PEAK1: variants seen among roughly 807,000 people sequenced by gnomAD.
PEAK1 encodes the protein inactive tyrosine-protein kinase PEAK1.
Under a neutral mutation model 124.7 loss-of-function variants are expected in PEAK1, and 54 were observed. The ratio of observed to expected loss-of-function variants is 0.43; its 90% CI spans 0.35 to 0.54. The LOEUF is 0.54. PEAK1 is among the 20% of genes least tolerant of loss of function. The pLI is 0.01. For synonymous variants in PEAK1, 719 were observed against 760.0 expected, an observed-to-expected ratio of 0.95 and a Z score of 0.89; for missense variants, 2,046 against 2,134.5, an observed-to-expected ratio of 0.96 and a Z score of 0.82.
chr15:77,372,674 A>G (rs1296644913), intron 1 of PEAK1, among the ~76,000 whole-genome samples: 1 of 152,198 alleles, frequency 6.6e-6, no homozygotes, highest in Non-Finnish European at 1.5e-5. Flanking sequence ...CTCAACTGAT[A>G]TGGTTCGGAT....
intron 2 of PEAK1, among the ~76,000 whole-genome samples, chr15:77,362,767 G>A (rs1597443566): frequency 6.6e-6 from 1 of 151,952 alleles, no homozygotes; most frequent in East Asian, 1.9e-4. Flanking sequence ...CAACCCAAAT[G>A]TCCAACAACT....
intron 7 of PEAK1, among the ~76,000 whole-genome samples, chr15:77,168,276 C>T (rs1472372610): frequency 7.0e-6 from 1 of 142,252 alleles, no homozygotes. Flanking sequence ...TATTAATAGG[C>T]CTATATTGGT....
chr15:77,177,734 A>G lies in PEAK1; in HGVS notation c.3137+1056T>C, dbSNP rs146611096. The G allele has an allele frequency of 1.4e-4, 21 of 152,284 alleles. No homozygotes were observed. In the East Asian group the frequency reaches 3.5e-3, roughly 25 times the overall value. 9.4% of individuals were successfully genotyped at this position (152,284 alleles called of 1,614,324 possible). A position where few individuals can be genotyped will look rare whatever the true frequency, so the allele number is the denominator to read the frequency against. On this transcript the variant is annotated intron_variant, in intron 7 of 9. Coordinates refer to ENST00000682557, the MANE Select transcript of PEAK1 (RefSeq NM_001385026.1). ...ACAGGAAGCATAGGGAAATCATCCT[A>G]TTAGTCACAAACTTGGGATAAAAGT... is the stretch of plus-strand genomic sequence containing the variant.
chr15:77,304,053 A>G (rs2063932272), intron 2 of PEAK1, among the ~76,000 whole-genome samples: 1 of 152,194 alleles, frequency 6.6e-6, no homozygotes, highest in African/African-American at 2.4e-5. Context: ...CTATGTGTCT[A>G]TTCTTTCACC....
chr15:77,180,530 T>C lies in PEAK1; in HGVS notation c.1397A>G (p.Asn466Ser). 1 of 1,614,118 alleles carries C rather than the reference T, an allele frequency of 6.2e-7. No individual in the cohort carries two copies. The highest frequency in any genetic ancestry group is 8.5e-7 in the Non-Finnish European group (1 of 1,179,996). The change falls in exon 7 of 10, where the codon AAC becomes AGC. Residue 466 changes from asparagine (N) to serine (S), a missense_variant. Transcript: ENST00000682557. ...TGGCTTGCACAATGGCTGTTCCAGG[T>C]TCACAACTCGGTAAGGTTTTGCTTG... The part of the protein sequence containing the change: ...EEQAKPYRVV[N>S]LEQPLCKPYT...
At chr15:77,309,811 T>C (rs747896380) in intron 2 of PEAK1, among the ~76,000 whole-genome samples, 5 of 152,202 alleles carry the variant, frequency 3.3e-5, no homozygotes, top group Non-Finnish European at 5.9e-5. Context: ...TTATTATTTA[T>C]ACTAATAGAA....
intron 5 of PEAK1, among the ~76,000 whole-genome samples, chr15:77,260,170 C>A (rs1015559028): frequency 3.9e-5 from 6 of 152,030 alleles, no homozygotes; most frequent in African/African-American, 1.4e-4. Flanking sequence ...CCAGAAGGGA[C>A]AAATCACTGA....
At chr15:77,336,791 G>A (rs1431763801) in intron 2 of PEAK1, among the ~76,000 whole-genome samples, 1 of 151,868 alleles carries the variant, frequency 6.6e-6, no homozygotes, top group African/African-American at 2.4e-5. Flanking sequence ...AGTATACATG[G>A]ATAAGAGTGT....
chr15:77,409,684 C>T (rs1464216314), intron 1 of PEAK1, among the ~76,000 whole-genome samples: 1 of 152,136 alleles, frequency 6.6e-6, no homozygotes, highest in African/African-American at 2.4e-5. Context: ...TTTTCTTGTT[C>T]ACAGAGGGAT....
At chr15:77,158,319 G>A (rs1309206032) in intron 8 of PEAK1, 184 bp downstream of exon 8, 3 of 596,568 alleles carry the variant, frequency 5.0e-6, no homozygotes, top group Non-Finnish European at 8.9e-6. Context: ...CATGGGTGCA[G>A]GTGTTTAATA....
chr15:77,419,272 C>T (rs187646712), intron 1 of PEAK1: 1 of 985,364 alleles, frequency 1.0e-6, no homozygotes, highest in Non-Finnish European at 1.2e-6. Flanking sequence ...AAAACGAAAT[C>T]AAGCTCCCAG....
chr15:77,342,240 A>C (rs34665451), intron 2 of PEAK1, among the ~76,000 whole-genome samples: 11,625 of 151,464 alleles, frequency 0.077, 550 homozygotes, highest in Non-Finnish European at 0.1. Flanking sequence ...GTATATTCAC[A>C]TTGTTGTGAA....
intron 5 of PEAK1, among the ~76,000 whole-genome samples, chr15:77,271,828 G>A (rs939722455): frequency 3.9e-5 from 6 of 152,196 alleles, no homozygotes; most frequent in Admixed American, 6.5e-5. Flanking sequence ...CATACCTAAT[G>A]TAAATGACGA....
intron 5 of PEAK1, among the ~76,000 whole-genome samples, chr15:77,272,549 G>T (rs2062092896): frequency 6.6e-6 from 1 of 152,070 alleles, no homozygotes; most frequent in African/African-American, 2.4e-5. Context: ...AACCCTCCTA[G>T]ATTAAACCAG....
chr15:77,174,006 A>G (rs1359533691), intron 7 of PEAK1, among the ~76,000 whole-genome samples: 1 of 152,190 alleles, frequency 6.6e-6, no homozygotes, highest in Non-Finnish European at 1.5e-5. Flanking sequence ...AAATTTTCAA[A>G]TTACTTCTAT....
intron 8 of PEAK1, among the ~76,000 whole-genome samples, chr15:77,139,206 A>G (rs2053578572): frequency 6.6e-6 from 1 of 152,196 alleles, no homozygotes; most frequent in African/African-American, 2.4e-5. Context: ...ATCCTGTCCC[A>G]GTGGCAGGTC....
At chr15:77,215,670 A>T (rs1043865626) in intron 6 of PEAK1, among the ~76,000 whole-genome samples, 5 of 152,210 alleles carry the variant, frequency 3.3e-5, no homozygotes, top group African/African-American at 1.2e-4. Flanking sequence ...CAGATGCAGA[A>T]CCCATGGCTA....
At chr15:77,255,196 A>T (rs1316517309) in intron 5 of PEAK1, 1 of 184,598 alleles carries the variant, frequency 5.4e-6, no homozygotes, top group Non-Finnish European at 1.0e-5. Context: ...TATCTTGAAT[A>T]TCATACCAGT....
chr15:77,245,406 G>A (rs940491922), intron 6 of PEAK1, among the ~76,000 whole-genome samples: 1 of 151,818 alleles, frequency 6.6e-6, no homozygotes, highest in Non-Finnish European at 1.5e-5. Context: ...ACCATTTCTT[G>A]AAAAAACTAA....
Sources: allele counts gnomAD v4.1 joint callset (sites outside exome capture counted in the v4.1 genomes callset), GRCh38; gene constraint gnomAD v4.1.1; transcripts MANE v1.5; gene names NCBI Gene and HGNC (gene_info 2026-07-23, HGNC 2026-07-21).